CUX2: variants seen among roughly 807,000 people sequenced by gnomAD.
CUX2 encodes the protein cut like homeobox 2, also known as homeobox protein cut-like 2.
A neutral mutation model predicts 144.8 loss-of-function variants in CUX2; 40 were observed. The observed-to-expected ratio is 0.28, with a 90% CI of 0.21 to 0.36. The LOEUF is 0.36. Among genes scored for constraint, CUX2 ranks in the 10% least tolerant of loss-of-function variants. The pLI is 1.00. For missense variants in CUX2, 1,615 were observed against 1,994.0 expected, an observed-to-expected ratio of 0.81 and a Z score of 3.62; for synonymous variants, 827 against 875.6, an observed-to-expected ratio of 0.94 and a Z score of 0.98.
intron 1 of CUX2, among the ~76,000 whole-genome samples, chr12:111,198,575 G>A (rs943513714): frequency 1.8e-4 from 28 of 152,120 alleles, no homozygotes; most frequent in Admixed American, 9.2e-4. Context: ...CTGCCCTCCC[G>A]GAGCTTTAGT....
At chr12:111,315,495 G>T (rs565062869) in intron 16 of CUX2, among the ~76,000 whole-genome samples, 1 of 152,320 alleles carries the variant, frequency 6.6e-6, no homozygotes, top group East Asian at 1.9e-4. Flanking sequence ...AAGACAGATG[G>T]ATCACTTGAG....
chr12:111,306,265 T>C (rs188321499), intron 10 of CUX2, among the ~76,000 whole-genome samples: 1 of 152,202 alleles, frequency 6.6e-6, no homozygotes. Flanking sequence ...CTTCCTGTTT[T>C]AATTGGCATT....
intron 1 of CUX2, among the ~76,000 whole-genome samples, chr12:111,185,953 G>A (rs1010528475): frequency 6.6e-6 from 1 of 151,074 alleles, no homozygotes; most frequent in African/African-American, 2.4e-5. Flanking sequence ...TTGTCTCTGT[G>A]CCTGTCTCTC....
rs1245711476 is a variant in CUX2 at position 111,052,199 on chromosome 12, C to A, written c.63+17959C>A. 2.0e-5 allele frequency among the ~76,000 whole-genome samples: 3 copies of A among 152,168 alleles called. 1 individual carries two copies. The highest frequency in any genetic ancestry group is 4.4e-5 in the Non-Finnish European group (3 of 68,040). On this transcript the variant is annotated intron_variant, in intron 1 of 21. Transcript: ENST00000261726. ...ACTCCTCCCAGATCCTTGGAGCTTACTCAATATCACTTCCTTGGGGCAGCT... is the reference window on the plus strand; with the variant it reads ...ACTCCTCCCAGATCCTTGGAGCTTAATCAATATCACTTCCTTGGGGCAGCT...
intron 1 of CUX2, among the ~76,000 whole-genome samples, chr12:111,074,331 G>T (rs999626031): frequency 1.3e-5 from 2 of 152,028 alleles, no homozygotes; most frequent in African/African-American, 2.4e-5. Flanking sequence ...GACTGAATCT[G>T]TAACTAAGTC....
intron 1 of CUX2, among the ~76,000 whole-genome samples, chr12:111,155,415 A>G (rs1877310362): frequency 6.6e-6 from 1 of 152,250 alleles, no homozygotes; most frequent in Admixed American, 6.5e-5. Context: ...TCTTTCTTTG[A>G]AAAGCTTTAC....
chr12:111,206,999 T>C (rs1880957456), intron 1 of CUX2, among the ~76,000 whole-genome samples: 1 of 152,104 alleles, frequency 6.6e-6, no homozygotes, highest in Non-Finnish European at 1.5e-5. Flanking sequence ...TCTGGATGAA[T>C]GGATAAATGG....
chr12:111,137,047 C>G (rs1367439803), intron 1 of CUX2, among the ~76,000 whole-genome samples: 1 of 151,806 alleles, frequency 6.6e-6, no homozygotes, highest in Admixed American at 6.6e-5. Context: ...AAACAGTTCT[C>G]CAGCCTCAGC....
chr12:111,310,384 G>A lies in CUX2; in HGVS notation c.1602G>A (p.Glu534=). ...GCCCTGAGCCACTGGGCGGTCCTGA[G>A]CCCGCGGATGGTGGTGGGGGCGGAG... The part of the protein sequence containing the change: ...APGPEPLGGP[E]PADGGGGGAA... The change falls in exon 15 of 22, where the codon GAG becomes GAA. Residue 534 remains glutamate, a synonymous_variant. Coordinates refer to ENST00000261726, the MANE Select transcript of CUX2 (RefSeq NM_015267.4). This position sits in a 1 kb window ranked among gnomAD's most constrained non-coding sequence, Gnocchi z 7.9. 6.2e-7 allele frequency: 1 copy of A among 1,603,714 alleles called. No homozygotes were observed. The highest frequency in any genetic ancestry group is 1.3e-5 in the African/African-American group (1 of 74,900).
intron 3 of CUX2, among the ~76,000 whole-genome samples, chr12:111,252,413 T>C (rs1431818043): frequency 6.6e-6 from 1 of 152,148 alleles, no homozygotes; most frequent in African/African-American, 2.4e-5. Flanking sequence ...TTCTCCTCTT[T>C]CCTACCCTGC....
chr12:111,210,222 C>T (rs1881140532), intron 1 of CUX2, among the ~76,000 whole-genome samples: 1 of 152,138 alleles, frequency 6.6e-6, no homozygotes, highest in African/African-American at 2.4e-5. Flanking sequence ...GATATAGTGC[C>T]ATGAGCTTTT....
intron 1 of CUX2, among the ~76,000 whole-genome samples, chr12:111,204,921 T>C (rs1295622492): frequency 6.6e-6 from 1 of 152,184 alleles, no homozygotes; most frequent in African/African-American, 2.4e-5. Flanking sequence ...ATGTGAACTG[T>C]CCATCACCCT....
chr12:111,229,964 A>G (rs1453994448), intron 3 of CUX2, among the ~76,000 whole-genome samples: 1 of 150,414 alleles, frequency 6.6e-6, no homozygotes, highest in African/African-American at 2.5e-5. Flanking sequence ...CAGTGAACTG[A>G]GATCGTGCCA....
rs1883294915 is a variant in CUX2, at chr12:111,246,694, T to G, written c.223-17067T>G. Among the ~76,000 whole-genome samples the G allele has an allele frequency of 6.6e-6, 1 of 152,238 alleles. No individual in the cohort carries two copies. Among genetic ancestry groups the G allele is most frequent in the African/African-American group, 2.4e-5 (1 of 41,464 alleles). ...CAAAGTTGGACTTAGAGGAATGGAC[T>G]GTGGGTGTTGTCTGGCAAGGCGAGG... On this transcript the variant is annotated intron_variant, in intron 3 of 21. Coordinates refer to ENST00000261726, the MANE Select transcript of CUX2 (RefSeq NM_015267.4). This position sits in a 1 kb window ranked among gnomAD's most constrained non-coding sequence, Gnocchi z 4.0.
intron 1 of CUX2, among the ~76,000 whole-genome samples, chr12:111,119,806 C>G (rs1392191587): frequency 6.6e-6 from 1 of 152,214 alleles, no homozygotes; most frequent in African/African-American, 2.4e-5. Flanking sequence ...GCCTGTAATC[C>G]CAACACTTTG....
At chr12:111,049,744 A>T (rs966779306) in intron 1 of CUX2, among the ~76,000 whole-genome samples, 1 of 152,212 alleles carries the variant, frequency 6.6e-6, no homozygotes, top group African/African-American at 2.4e-5. Context: ...CAAACCCTGG[A>T]TGGGCCCAGG....
intron 1 of CUX2, among the ~76,000 whole-genome samples, chr12:111,082,988 G>A (rs1592875131): frequency 6.6e-6 from 1 of 152,142 alleles, no homozygotes; most frequent in African/African-American, 2.4e-5. Context: ...ACAGTTTCTC[G>A]ACTCCACACT....
intron 18 of CUX2, among the ~76,000 whole-genome samples, chr12:111,328,580 T>G (rs938896311): frequency 7.4e-5 from 10 of 135,852 alleles, no homozygotes; most frequent in South Asian, 5.2e-4. Flanking sequence ...CCAATTTCTT[T>G]TGTGTGTGTG....
At chr12:111,089,901 T>C (rs1872459915) in intron 1 of CUX2, among the ~76,000 whole-genome samples, 1 of 152,160 alleles carries the variant, frequency 6.6e-6, no homozygotes, top group Admixed American at 6.5e-5. Context: ...AGGGGGCTCA[T>C]GGGCAGATAA....
Sources: gnomAD v4.1 joint callset for allele counts (sites outside exome capture counted in the v4.1 genomes callset) on GRCh38, gnomAD v4.1.1 for gene constraint, Gnocchi (gnomAD v3.1) non-coding constraint, MANE v1.5 for transcripts, NCBI Gene and HGNC (gene_info 2026-07-23, HGNC 2026-07-21) for gene names.